Variants in UST observed in about 807,000 individuals in gnomAD.
The protein encoded by UST is chondroitin sulfate 2-O-sulfotransferase.
A neutral mutation model predicts 45.6 loss-of-function variants in UST; 21 were observed. That is an observed-to-expected ratio of 0.46 (90% CI 0.33 to 0.66). UST has a LOEUF of 0.66. UST is among the 30% of genes least tolerant of loss of function. UST has a pLI of 0.02. For missense variants in UST, 463 were observed against 512.4 expected, an observed-to-expected ratio of 0.90 and a Z score of 0.93; for synonymous variants, 215 against 200.6, an observed-to-expected ratio of 1.07 and a Z score of -0.61.
At chr6:148,885,262 C>T (rs573360327) in intron 1 of UST, among the ~76,000 whole-genome samples, 15 of 152,222 alleles carry the variant, frequency 9.9e-5, no homozygotes, top group Non-Finnish European at 8.8e-5. Context: ...GCTGGGATTT[C>T]TCACGCTTCC....
chr6:148,802,698 G>C (rs969661461), intron 1 of UST, among the ~76,000 whole-genome samples: 2 of 152,158 alleles, frequency 1.3e-5, no homozygotes, highest in African/African-American at 4.8e-5. Context: ...CTAATATATT[G>C]TCCCAGGTTT....
At chr6:149,046,758 G>A (rs536864747) in intron 7 of UST, among the ~76,000 whole-genome samples, 54 of 152,324 alleles carry the variant, frequency 3.5e-4, no homozygotes, top group African/African-American at 1.3e-3. Flanking sequence ...CTGCAATAGG[G>A]CAGGGTTTTC....
At position 148,887,016 on chromosome 6, in the gene UST, C is replaced by T; in HGVS notation, c.278C>T (p.Pro93Leu). 6.2e-7 allele frequency: 1 copy of T among 1,612,786 alleles called. No individual in the cohort carries two copies. Among genetic ancestry groups the T allele is most frequent in the Non-Finnish European group, 8.5e-7 (1 of 1,179,382 alleles). The change falls in exon 2 of 8, where the codon CCA becomes CTA. Residue 93 changes from proline (P) to leucine (L), a missense_variant. Pro to Leu is a moderately conservative substitution (Grantham distance 98, BLOSUM62 -3). Around this residue, in one of 2 missense-constraint regions of UST, gnomAD observed 176 missense variants for 138.3 expected, o/e 1.27. Coordinates refer to ENST00000367463, the MANE Select transcript of UST (RefSeq NM_005715.3). ...GNSTYLDDHG[P>L]PPSKVLPFPS... ...TCCACTTACTTGGATGACCATGGACCACCTCCTAGTAAGGTAAGATCTTTG... is the reference window on the plus strand; with the variant it reads ...TCCACTTACTTGGATGACCATGGACTACCTCCTAGTAAGGTAAGATCTTTG...
chr6:148,974,951 T>C (rs560089526), intron 5 of UST, among the ~76,000 whole-genome samples: 12 of 152,350 alleles, frequency 7.9e-5, no homozygotes, highest in African/African-American at 2.9e-4. Context: ...ACTTCCGGGT[T>C]TTGTAATTAA....
chr6:148,861,461 T>C (rs1020784049), intron 1 of UST, among the ~76,000 whole-genome samples: 1 of 152,188 alleles, frequency 6.6e-6, no homozygotes, highest in African/African-American at 2.4e-5. Context: ...CCTGGATTCA[T>C]TGATTTTTTT....
chr6:148,837,044 AG>A (rs1777796998), intron 1 of UST, among the ~76,000 whole-genome samples: 3 of 152,204 alleles, frequency 2.0e-5, no homozygotes, highest in African/African-American at 7.2e-5. Context: ...TGGATATTTG[AG>A]GAAGACTTAT....
At chr6:148,827,853 G>A (rs932110037) in intron 1 of UST, among the ~76,000 whole-genome samples, 17 of 152,108 alleles carry the variant, frequency 1.1e-4, no homozygotes, top group Non-Finnish European at 1.8e-4. Flanking sequence ...ACAGATGGTA[G>A]AGAATTTTTA....
intron 7 of UST, among the ~76,000 whole-genome samples, chr6:149,049,830 T>A (rs944332419): frequency 1.3e-5 from 2 of 151,968 alleles, no homozygotes; most frequent in Non-Finnish European, 2.9e-5. Context: ...ATATCTAACC[T>A]CTTTTTGGCA....
intron 2 of UST, among the ~76,000 whole-genome samples, chr6:148,922,952 C>G (rs1263232242): frequency 6.6e-6 from 1 of 152,068 alleles, no homozygotes; most frequent in African/African-American, 2.4e-5. Context: ...CCCATGACAC[C>G]TGGCTAATTT....
intron 3 of UST, among the ~76,000 whole-genome samples, chr6:148,945,192 C>A (rs757406089): frequency 7.2e-5 from 11 of 152,170 alleles, no homozygotes; most frequent in Non-Finnish European, 1.5e-4. Flanking sequence ...TTTCATTGAA[C>A]TTTTTGGACC....
intron 1 of UST, among the ~76,000 whole-genome samples, chr6:148,829,201 C>T (rs961308561): frequency 2.0e-5 from 3 of 151,430 alleles, no homozygotes; most frequent in Admixed American, 6.6e-5. Context: ...ATTTTAGTGA[C>T]GTTTAAGATT....
At chr6:149,002,372 T>G (rs1300546578) in intron 5 of UST, among the ~76,000 whole-genome samples, 3 of 152,176 alleles carry the variant, frequency 2.0e-5, no homozygotes, top group East Asian at 3.8e-4. Flanking sequence ...AATTAATTTA[T>G]TAAAAATAGA....
chr6:148,979,634 C>G lies in UST; in HGVS notation c.681+15071C>G, dbSNP rs189913608. 4.2e-3 allele frequency among the ~76,000 whole-genome samples: 638 copies of G among 152,338 alleles called. 1 individual carries two copies. The highest frequency in any genetic ancestry group is 0.014 in the African/African-American group (597 of 41,560). ...ATGTGGAAGCAAATATGCCAAGGTC[C>G]TTGAAAAGAATGTTGATGCTTGATT... On this transcript the variant is annotated intron_variant, in intron 5 of 7. Coordinates refer to ENST00000367463, the MANE Select transcript of UST (RefSeq NM_005715.3).
chr6:148,867,446 A>G (rs140270368), intron 1 of UST, among the ~76,000 whole-genome samples: 165 of 152,236 alleles, frequency 1.1e-3, no homozygotes, highest in Non-Finnish European at 1.9e-3. Flanking sequence ...TGATATCATT[A>G]ATATCCTTCT....
chr6:148,809,371 A>C (rs1391302619), intron 1 of UST, among the ~76,000 whole-genome samples: 1 of 149,096 alleles, frequency 6.7e-6, no homozygotes, highest in Admixed American at 6.7e-5. Flanking sequence ...TCTTTCTCCC[A>C]TACACTGTCA....
At chr6:149,073,425 C>T (rs1039454524) in intron 7 of UST, among the ~76,000 whole-genome samples, 6 of 152,136 alleles carry the variant, frequency 3.9e-5, no homozygotes, top group Non-Finnish European at 8.8e-5. Flanking sequence ...TTAAAACTTA[C>T]AAAACAAGAT....
chr6:148,848,720 AG>A (rs1778045485), intron 1 of UST, among the ~76,000 whole-genome samples: 1 of 152,016 alleles, frequency 6.6e-6, no homozygotes, highest in South Asian at 2.1e-4. Flanking sequence ...GAAAGTTTTG[AG>A]AAACTTTCAA....
intron 5 of UST, among the ~76,000 whole-genome samples, chr6:148,975,817 T>C (rs976135406): frequency 2.0e-5 from 3 of 152,156 alleles, no homozygotes; most frequent in Non-Finnish European, 2.9e-5. Context: ...CAGAAGGATG[T>C]GTATCTGAGC....
At chr6:148,908,408 G>A (rs368901371) in intron 2 of UST, among the ~76,000 whole-genome samples, 1 of 152,164 alleles carries the variant, frequency 6.6e-6, no homozygotes, top group Non-Finnish European at 1.5e-5. Flanking sequence ...AAGCCAGTTA[G>A]TACATTAGCG....
Sources: gnomAD v4.1 joint callset for allele counts (sites outside exome capture counted in the v4.1 genomes callset) on GRCh38, gnomAD v4.1.1 for gene constraint, gnomAD v4.1.1 regional missense constraint, MANE v1.5 for transcripts, NCBI Gene and HGNC (gene_info 2026-07-23, HGNC 2026-07-21) for gene names.